Variants in WASHC5 observed in about 807,000 individuals in gnomAD.
The protein encoded by WASHC5 is WASH complex subunit strumpellin.
A neutral mutation model predicts 150.4 loss-of-function variants in WASHC5; 101 were observed. The observed-to-expected ratio is 0.67, with a 90% CI of 0.57 to 0.79. The LOEUF is 0.79. WASHC5 is among the 30% of genes least tolerant of loss of function. The pLI, the probability that WASHC5 is intolerant of heterozygous loss-of-function variation, is 0.00. For missense variants in WASHC5, 1,195 were observed against 1,396.3 expected, an observed-to-expected ratio of 0.86 and a Z score of 2.30; for synonymous variants, 467 against 491.2, an observed-to-expected ratio of 0.95 and a Z score of 0.65.
chr8:125,076,744 T>TAAAAAAAAAAA (rs59580091), intron 6 of WASHC5, among the ~76,000 whole-genome samples: 15 of 132,248 alleles, frequency 1.1e-4, no homozygotes, highest in Middle Eastern at 3.8e-3. Context: ...AGTCTTTTCT[T>TAAAAAAAAAAA]AAAAAAAAAA....
At position 125,032,236 on chromosome 8, in the gene WASHC5, T is replaced by C; in HGVS notation, c.3335+5A>G. 1 of 1,614,168 alleles carries C rather than the reference T, an allele frequency of 6.2e-7. No homozygotes were observed. Among genetic ancestry groups the C allele is most frequent in the Non-Finnish European group, 8.5e-7 (1 of 1,179,994 alleles). ...TCCCACGTAGTCCTGGTTGGTCTTC[T>C]GTACCTTGTACACTGCTCCACCGTG... is the stretch of plus-strand genomic sequence containing the variant. On this transcript the variant is annotated splice_donor_5th_base_variant and intron_variant, in intron 27 of 28. Transcript: ENST00000318410.
chr8:125,035,563 C>G (rs1323346639), intron 26 of WASHC5, among the ~76,000 whole-genome samples: 1 of 152,200 alleles, frequency 6.6e-6, no homozygotes, highest in Non-Finnish European at 1.5e-5. Flanking sequence ...GACTCAGCAC[C>G]TGTTGGGCAC....
Position 125,083,823 on chromosome 8 carries a change from T to C in WASHC5, c.76A>G (p.Ile26Val), listed in dbSNP as rs770831804. Residue 26 changes from isoleucine (I) to valine (V), a missense_variant, in exon 2 of 29, where the codon ATT (isoleucine) becomes GTT (valine). Ile to Val is a conservative substitution (Grantham distance 29). Transcript: ENST00000318410. The part of the protein sequence containing the change: ...LRIVSCGNAI[I>V]AELLRLSEFI... ...TCAGAGAGTCTCAAAAGTTCAGCAA[T>C]GATGGCATTACCACAGGAAACAATC... 10 of 1,613,990 alleles carry C rather than the reference T, an allele frequency of 6.2e-6. No individual in the cohort carries two copies. The highest frequency in any genetic ancestry group is 5.0e-5 in the Admixed American group (3 of 59,992).
intron 1 of WASHC5, among the ~76,000 whole-genome samples, chr8:125,088,759 C>T (rs1336985554): frequency 6.6e-6 from 1 of 152,164 alleles, no homozygotes; most frequent in Non-Finnish European, 1.5e-5. Flanking sequence ...CTATGCCCTA[C>T]CCTCCGGACC....
intron 1 of WASHC5, among the ~76,000 whole-genome samples, chr8:125,088,903 T>C (rs1399160564): frequency 1.3e-5 from 2 of 152,104 alleles, no homozygotes; most frequent in Admixed American, 1.3e-4. Flanking sequence ...AGGGCAGGAA[T>C]GTGCTAGATG....
At chr8:125,058,225 C>T (rs1242755967) in intron 14 of WASHC5, among the ~76,000 whole-genome samples, 3 of 151,786 alleles carry the variant, frequency 2.0e-5, no homozygotes, top group African/African-American at 7.3e-5. Context: ...AAAACCCATC[C>T]CCAGTTACAG....
At chr8:125,085,056 A>G (rs937177319) in intron 1 of WASHC5, among the ~76,000 whole-genome samples, 1 of 152,220 alleles carries the variant, frequency 6.6e-6, no homozygotes, top group African/African-American at 2.4e-5. Context: ...GGCACTGACA[A>G]GTATAAGGAG....
intron 23 of WASHC5, among the ~76,000 whole-genome samples, chr8:125,042,103 C>T (rs982655681): frequency 6.6e-6 from 1 of 152,142 alleles, no homozygotes; most frequent in Non-Finnish European, 1.5e-5. Flanking sequence ...ATTTTTGGTA[C>T]TCACGCACTT....
chr8:125,050,718 C>A, intron 17 of WASHC5, 53 bp from the exon 18 acceptor site: 2 of 1,375,232 alleles, frequency 1.5e-6, no homozygotes, highest in East Asian at 2.3e-5. Flanking sequence ...TCAGTCCTAA[C>A]GAAATCCAGA....
At chr8:125,053,032 T>C (rs573005804) in intron 17 of WASHC5, among the ~76,000 whole-genome samples, 2 of 152,222 alleles carry the variant, frequency 1.3e-5, no homozygotes, top group East Asian at 3.9e-4. Flanking sequence ...TTGAATACTA[T>C]ACTGAAAGTG....
At chr8:125,065,572 G>A (rs1816721653) in intron 10 of WASHC5, among the ~76,000 whole-genome samples, 1 of 151,654 alleles carries the variant, frequency 6.6e-6, no homozygotes, top group Non-Finnish European at 1.5e-5. Context: ...GGGTCCCTGG[G>A]GCTCTAGTTC....
At chr8:125,027,225 T>C (rs181225985) in intron 28 of WASHC5, among the ~76,000 whole-genome samples, 168 of 152,288 alleles carry the variant, frequency 1.1e-3, no homozygotes, top group African/African-American at 3.8e-3. Flanking sequence ...ATGATTCTAT[T>C]GGGTATTCAA....
At chr8:125,039,998 A>C in intron 23 of WASHC5, 100 bp from the exon 24 acceptor site, 1 of 751,032 alleles carries the variant, frequency 1.3e-6, no homozygotes, top group South Asian at 1.5e-5. Flanking sequence ...CTGGGCCTTC[A>C]CATCACTCTA....
Position 125,024,502 on chromosome 8 carries a change from TAGAC to T in WASHC5, c.*111_*114del, listed in dbSNP as rs971077932. The T allele has an allele frequency of 1.4e-4, 113 of 785,442 alleles. 1 individual carries two copies. The highest frequency in any genetic ancestry group is 8.9e-4 in the African/African-American group (53 of 59,316). 48.7% of individuals were successfully genotyped at this position (785,442 alleles called of 1,614,324 possible). ...TCAGAACGTCTGATGTTTCCCATAATAGACAGAAAAAATGCAGTTGTATGAGCAA... is the reference window on the plus strand; with the variant it reads ...TCAGAACGTCTGATGTTTCCCATAATAGAAAAAATGCAGTTGTATGAGCAA... On this transcript the variant is annotated 3_prime_UTR_variant, in exon 29 of 29. Coordinates refer to ENST00000318410, the MANE Select transcript of WASHC5 (RefSeq NM_014846.4).
intron 2 of WASHC5, 112 bp downstream of exon 2, chr8:125,083,601 C>A: frequency 1.2e-6 from 1 of 853,572 alleles, no homozygotes; most frequent in Non-Finnish European, 1.8e-6. Flanking sequence ...TCGAAAAGCT[C>A]TTCTCTTTAG....
chr8:125,064,385 A>T (rs79703549), intron 10 of WASHC5, among the ~76,000 whole-genome samples: 10 of 138,044 alleles, frequency 7.2e-5, no homozygotes, highest in Non-Finnish European at 1.1e-4. Context: ...TTATTTATTT[A>T]TTTTTTTTTT....
At chr8:125,042,266 C>T (rs1401837685) in intron 23 of WASHC5, among the ~76,000 whole-genome samples, 1 of 152,066 alleles carries the variant, frequency 6.6e-6, no homozygotes. Context: ...CAGCTCCTAG[C>T]GATGTGTGGC....
chr8:125,064,195 T>C (rs1816683839), intron 10 of WASHC5, among the ~76,000 whole-genome samples: 1 of 151,644 alleles, frequency 6.6e-6, no homozygotes, highest in African/African-American at 2.4e-5. Context: ...ATTGTGTTTA[T>C]TGTTATTTAT....
intron 10 of WASHC5, among the ~76,000 whole-genome samples, 190 bp downstream of exon 10, chr8:125,067,402 C>T (rs1174802603): frequency 6.6e-6 from 1 of 152,140 alleles, no homozygotes; most frequent in Non-Finnish European, 1.5e-5. Flanking sequence ...TCACTGTATC[C>T]CCAGTGAAAG....
Sources: allele counts gnomAD v4.1 joint callset (sites outside exome capture counted in the v4.1 genomes callset), GRCh38; gene constraint gnomAD v4.1.1; transcripts MANE v1.5; gene names NCBI Gene and HGNC (gene_info 2026-07-23, HGNC 2026-07-21).